Variants in TBC1D32 observed in about 807,000 individuals in gnomAD.
TBC1D32 encodes the protein TBC1 domain family member 32.
Under a neutral mutation model 170.3 loss-of-function variants are expected in TBC1D32, and 151 were observed. The ratio of observed to expected loss-of-function variants is 0.89; its 90% CI spans 0.78 to 1.01. The LOEUF is 1.01. Among genes scored for constraint, TBC1D32 ranks in the 50% least tolerant of loss-of-function variants. TBC1D32 has a pLI of 0.00. For synonymous variants in TBC1D32, 498 were observed against 488.0 expected (o/e 1.02, Z -0.27); for missense variants, 1,464 against 1,457.1 (o/e 1.00, Z -0.08).
chr6:121,122,694 TA>T (rs1780394075), intron 26 of TBC1D32, among the ~76,000 whole-genome samples: 1 of 152,128 alleles, frequency 6.6e-6, no homozygotes, highest in Admixed American at 6.6e-5. Flanking sequence ...CCTTTTAACT[TA>T]CTGAATATTC....
chr6:121,143,345 G>A (rs1483060073), intron 24 of TBC1D32, among the ~76,000 whole-genome samples: 1 of 152,036 alleles, frequency 6.6e-6, no homozygotes. Context: ...CCCTAAAAAT[G>A]TTCATAAAGA....
intron 22 of TBC1D32, among the ~76,000 whole-genome samples, chr6:121,199,499 T>C (rs545352725): frequency 6.6e-6 from 1 of 151,500 alleles, no homozygotes; most frequent in Admixed American, 6.5e-5. Flanking sequence ...GTTTTCAGCA[T>C]TCTTGAATTT....
At chr6:121,300,697 AT>A in intron 9 of TBC1D32, among the ~76,000 whole-genome samples, 1 of 152,208 alleles carries the variant, frequency 6.6e-6, no homozygotes, top group Non-Finnish European at 1.5e-5. Context: ...ATGGGACCTG[AT>A]TAAACTAAAG....
chr6:121,283,128 C>T (rs1348602011), intron 13 of TBC1D32, among the ~76,000 whole-genome samples: 1 of 151,686 alleles, frequency 6.6e-6, no homozygotes. Flanking sequence ...TAATATACAT[C>T]CCAAACCATT....
At chr6:121,289,680 C>T (rs183622541) in intron 12 of TBC1D32, among the ~76,000 whole-genome samples, 2,731 of 152,112 alleles carry the variant, frequency 0.018, 30 homozygotes, top group South Asian at 0.042. Flanking sequence ...AAAAAGAGCC[C>T]GCATTGCCAA....
intron 30 of TBC1D32, among the ~76,000 whole-genome samples, chr6:121,094,108 C>T (rs1777126858): frequency 2.0e-5 from 3 of 151,894 alleles, no homozygotes. Flanking sequence ...AATTCCAAAA[C>T]ACCATATCCC....
At chr6:121,294,781 A>G (rs1277181580) in intron 10 of TBC1D32, 121 bp from the exon 11 acceptor site, 2 of 777,114 alleles carry the variant, frequency 2.6e-6, no homozygotes, top group Non-Finnish European at 4.5e-6. Context: ...TATTTAGTAC[A>G]GTACCTTTCT....
intron 30 of TBC1D32, among the ~76,000 whole-genome samples, chr6:121,094,627 T>C (rs1030456838): frequency 6.6e-6 from 1 of 152,186 alleles, no homozygotes; most frequent in African/African-American, 2.4e-5. Flanking sequence ...GAATAGTACA[T>C]GAACTAGACA....
At chr6:121,236,520 A>C (rs552883200) in intron 20 of TBC1D32, among the ~76,000 whole-genome samples, 19 of 152,278 alleles carry the variant, frequency 1.2e-4, no homozygotes, top group African/African-American at 4.1e-4. Context: ...TATAAATGAA[A>C]AAAGAATCCC....
At chr6:121,246,803 G>GT (rs1465357055) in intron 17 of TBC1D32, among the ~76,000 whole-genome samples, 5 of 151,462 alleles carry the variant, frequency 3.3e-5, no homozygotes, top group African/African-American at 4.8e-5. Flanking sequence ...CAAAGAAAAG[G>GT]TTTTCAAATT....
chr6:121,250,600 G>A (rs1198270713), intron 17 of TBC1D32, among the ~76,000 whole-genome samples: 3 of 151,976 alleles, frequency 2.0e-5, no homozygotes, highest in Admixed American at 1.3e-4. Context: ...AATAATAAGA[G>A]CTATGTATGA....
intron 24 of TBC1D32, among the ~76,000 whole-genome samples, chr6:121,150,390 G>T (rs1057004074): frequency 6.6e-6 from 1 of 152,182 alleles, no homozygotes; most frequent in Admixed American, 6.5e-5. Flanking sequence ...TTAATATGCT[G>T]CTGGGTTCAG....
At chr6:121,302,024 T>A (rs1406611774) in intron 9 of TBC1D32, among the ~76,000 whole-genome samples, 1 of 152,172 alleles carries the variant, frequency 6.6e-6, no homozygotes, top group African/African-American at 2.4e-5. Context: ...TAGCTTAAAA[T>A]GTTTTCAAAA....
At chr6:121,291,095 C>T (rs1039269252) in intron 12 of TBC1D32, among the ~76,000 whole-genome samples, 1 of 151,730 alleles carries the variant, frequency 6.6e-6, no homozygotes, top group African/African-American at 2.4e-5. Flanking sequence ...CACATGTATA[C>T]ATATGTAACT....
At chr6:121,289,645 C>A (rs542112020) in intron 12 of TBC1D32, among the ~76,000 whole-genome samples, 6 of 152,282 alleles carry the variant, frequency 3.9e-5, no homozygotes, top group Admixed American at 6.5e-5. Context: ...TTGGAAAAAA[C>A]TACTTTAAAG....
At chr6:121,224,664 G>A (rs561780674) in intron 20 of TBC1D32, among the ~76,000 whole-genome samples, 34 of 151,994 alleles carry the variant, frequency 2.2e-4, no homozygotes, top group African/African-American at 6.0e-4. Context: ...ATTTGACACC[G>A]ACACCCTTGT....
intron 22 of TBC1D32, among the ~76,000 whole-genome samples, chr6:121,187,042 G>A (rs1010215663): frequency 7.9e-5 from 12 of 151,526 alleles, no homozygotes; most frequent in African/African-American, 2.7e-4. Context: ...TAGATATATA[G>A]AAAAACTAAG....
chr6:121,115,030 ACAAAGT>A lies in TBC1D32; in HGVS notation c.3053+136_3053+141del, dbSNP rs566424276. The A allele has an allele frequency of 3.6e-4, 191 of 532,292 alleles. 2 individuals are homozygous for A. Among genetic ancestry groups the A allele is most frequent in the Non-Finnish European group, 1.5e-5 (5 of 329,160 alleles). The allele number at this position is 532,292 out of a possible 1,614,324, so 33.0% of individuals were successfully genotyped here. A position where few individuals can be genotyped will look rare whatever the true frequency, so the allele number is the denominator to read the frequency against. The stretch of plus-strand genomic sequence containing the variant: ...TAATCATGTGCCAATATCCTCAAAA[ACAAAGT>A]CATTTTCCGAATGATAAACTCTGCA... On this transcript the variant is annotated intron_variant, in intron 27 of 31. Transcript: ENST00000398212.
intron 26 of TBC1D32, among the ~76,000 whole-genome samples, chr6:121,121,927 G>C (rs1780311693): frequency 6.6e-6 from 1 of 151,986 alleles, no homozygotes; most frequent in Non-Finnish European, 1.5e-5. Flanking sequence ...ATTTGTATTT[G>C]TAGCCCACAC....
Sources: gnomAD v4.1 joint callset for allele counts (sites outside exome capture counted in the v4.1 genomes callset) on GRCh38, gnomAD v4.1.1 for gene constraint, MANE v1.5 for transcripts, NCBI Gene and HGNC (gene_info 2026-07-23, HGNC 2026-07-21) for gene names.